The following NFATC3 variants were observed in gnomAD, a reference collection of about 807,000 sequenced individuals.
The protein encoded by NFATC3 is nuclear factor of activated T cells 3, also known as nuclear factor of activated T-cells, cytoplasmic 3.
In NFATC3, 46 loss-of-function variants were observed where a neutral mutation model predicts 98.6. That is an observed-to-expected ratio of 0.47 (90% CI 0.37 to 0.60). NFATC3 has a LOEUF of 0.60. Among genes scored for constraint, NFATC3 ranks in the 20% least tolerant of loss-of-function variants. NFATC3 has a pLI of 0.00. For missense variants in NFATC3, 1,256 were observed against 1,295.5 expected (o/e 0.97, Z 0.47); for synonymous variants, 512 against 472.2 (o/e 1.08, Z -1.09).
At chr16:68,095,576 A>G (rs994545383) in intron 1 of NFATC3, among the ~76,000 whole-genome samples, 1 of 150,840 alleles carries the variant, frequency 6.6e-6, no homozygotes, top group Non-Finnish European at 1.5e-5. Flanking sequence ...CTGGTCTTGA[A>G]CTCCCTACCT....
At chr16:68,178,273 C>A (rs1304657195) in intron 6 of NFATC3, among the ~76,000 whole-genome samples, 1 of 152,110 alleles carries the variant, frequency 6.6e-6, no homozygotes, top group Admixed American at 6.6e-5. Context: ...GTTTTTCTCT[C>A]TGGGTTTCTT....
At chr16:68,167,931 C>T (rs1420255986) in intron 5 of NFATC3, among the ~76,000 whole-genome samples, 1 of 139,566 alleles carries the variant, frequency 7.2e-6, no homozygotes, top group East Asian at 2.3e-4. Flanking sequence ...CTCCTAGGTT[C>T]AAACGATTCT....
chr16:68,132,053 A>G (rs750324588), intron 3 of NFATC3, among the ~76,000 whole-genome samples: 6 of 152,212 alleles, frequency 3.9e-5, no homozygotes, highest in Non-Finnish European at 7.3e-5. Context: ...TCCCTTTTAA[A>G]TGACGTGCTC....
chr16:68,209,759 G>C, intron 9 of NFATC3: 2 of 469,846 alleles, frequency 4.3e-6, no homozygotes, highest in South Asian at 3.2e-5. Flanking sequence ...AAAGTGGTTC[G>C]TTGCAGTTGT....
intron 5 of NFATC3, among the ~76,000 whole-genome samples, chr16:68,173,733 G>A (rs182850474): frequency 1.3e-5 from 2 of 152,298 alleles, no homozygotes; most frequent in Non-Finnish European, 2.9e-5. Context: ...ACGGATAGTT[G>A]CATAGAAGAA....
intron 3 of NFATC3, among the ~76,000 whole-genome samples, chr16:68,131,414 A>C (rs189295321): frequency 1.3e-5 from 2 of 151,918 alleles, no homozygotes; most frequent in Non-Finnish European, 2.9e-5. Flanking sequence ...AGTAGCTGGG[A>C]TTACAGGCAC....
intron 3 of NFATC3, among the ~76,000 whole-genome samples, chr16:68,145,058 T>C (rs1330884589): frequency 6.6e-6 from 1 of 152,110 alleles, no homozygotes; most frequent in African/African-American, 2.4e-5. Flanking sequence ...TCCTCCCACC[T>C]TGGCCTCCCT....
chr16:68,221,778 GA>G (rs2041873345), intron 9 of NFATC3: 1 of 191,670 alleles, frequency 5.2e-6, no homozygotes, highest in Admixed American at 6.5e-5. Flanking sequence ...TAAGTAAGGT[GA>G]GGCACACCAG....
At position 68,199,215 on chromosome 16, in the gene NFATC3, A is replaced by AT. The variant is rs1161857692; in HGVS notation, c.3106+7450dup. Among the ~76,000 whole-genome samples the AT allele has an allele frequency of 1.3e-3, 187 of 146,552 alleles. No homozygotes were observed. The East Asian group carries it at 0.017, about 13-fold the overall frequency. Reference sequence around the variant, plus strand: ...TGGGCAACAGACCAAGACCCTGTTTATTTTTTTTTTATTTTTTATTTTTTT... The same window carrying AT: ...TGGGCAACAGACCAAGACCCTGTTTATTTTTTTTTTTATTTTTTATTTTTTT... On this transcript the variant is annotated intron_variant, in intron 9 of 9. Transcript: ENST00000346183.
intron 6 of NFATC3, among the ~76,000 whole-genome samples, chr16:68,179,211 T>G (rs2039852627): frequency 6.6e-6 from 1 of 152,204 alleles, no homozygotes; most frequent in Non-Finnish European, 1.5e-5. Context: ...TCCCCAAGAT[T>G]AGGTTGAAGA....
At chr16:68,179,080 T>A (rs940846700) in intron 6 of NFATC3, among the ~76,000 whole-genome samples, 3 of 152,204 alleles carry the variant, frequency 2.0e-5, no homozygotes, top group Non-Finnish European at 1.5e-5. Flanking sequence ...CATGTCATCT[T>A]GCCTGTGCTC....
intron 9 of NFATC3, among the ~76,000 whole-genome samples, chr16:68,195,409 C>T (rs766760241): frequency 1.2e-4 from 19 of 152,082 alleles, no homozygotes; most frequent in Non-Finnish European, 2.5e-4. Context: ...ATGGTGTGCA[C>T]CTGTAGTCCT....
intron 9 of NFATC3, chr16:68,214,491 G>A (rs1758518084): frequency 3.4e-6 from 5 of 1,461,698 alleles, no homozygotes; most frequent in Non-Finnish European, 4.8e-6. Flanking sequence ...TTTGCATGCA[G>A]TGGCTGGATT....
intron 9 of NFATC3, among the ~76,000 whole-genome samples, chr16:68,194,404 A>G (rs1374262060): frequency 6.6e-6 from 1 of 152,214 alleles, no homozygotes; most frequent in Non-Finnish European, 1.5e-5. Flanking sequence ...GTATTTAAGC[A>G]TTTTGCTGCT....
chr16:68,185,197 G>A (rs1174131970), intron 8 of NFATC3, among the ~76,000 whole-genome samples: 1 of 152,026 alleles, frequency 6.6e-6, no homozygotes, highest in Non-Finnish European at 1.5e-5. Flanking sequence ...GGCTGGTCTC[G>A]AACTCCTGAC....
At chr16:68,187,330 A>C (rs2040245551) in intron 8 of NFATC3, among the ~76,000 whole-genome samples, 1 of 152,196 alleles carries the variant, frequency 6.6e-6, no homozygotes, top group Non-Finnish European at 1.5e-5. Context: ...GGCTTCCTGA[A>C]GGCCGCAGCT....
chr16:68,197,186 C>T (rs1008548638), intron 9 of NFATC3, among the ~76,000 whole-genome samples: 1 of 152,156 alleles, frequency 6.6e-6, no homozygotes, highest in Non-Finnish European at 1.5e-5. Flanking sequence ...TCAAGCAATT[C>T]TCCCACCTTG....
At chr16:68,098,509 C>T (rs150100867) in intron 1 of NFATC3, among the ~76,000 whole-genome samples, 2 of 152,086 alleles carry the variant, frequency 1.3e-5, no homozygotes, top group East Asian at 1.9e-4. Flanking sequence ...ACCATGTTGA[C>T]CAGGATGGTC....
intron 3 of NFATC3, among the ~76,000 whole-genome samples, chr16:68,130,946 G>T (rs2037082695): frequency 6.6e-6 from 1 of 152,154 alleles, no homozygotes; most frequent in South Asian, 2.1e-4. Context: ...TGTCGAAAAT[G>T]AGTTAGCTGT....
Sources: allele counts gnomAD v4.1 joint callset (sites outside exome capture counted in the v4.1 genomes callset), GRCh38; gene constraint gnomAD v4.1.1; transcripts MANE v1.5; gene names NCBI Gene and HGNC (gene_info 2026-07-23, HGNC 2026-07-21).